Variants in SLC24A2 observed in about 807,000 individuals in gnomAD.
SLC24A2 encodes solute carrier family 24 member 2.
In SLC24A2, 36 loss-of-function variants were observed where a neutral mutation model predicts 62.0. The ratio of observed to expected loss-of-function variants is 0.58; its 90% CI spans 0.44 to 0.77. The LOEUF is 0.77. SLC24A2 is among the 30% of genes least tolerant of loss of function. The probability of loss-of-function intolerance (pLI) is 0.00; values close to 1 mark genes in which losing one functional copy is unlikely to be tolerated. For missense variants in SLC24A2, 846 were observed against 817.9 expected (o/e 1.03, Z -0.42); for synonymous variants, 358 against 294.0 (o/e 1.22, Z -2.23).
At chr9:19,727,844 A>G (rs1821216638) in intron 2 of SLC24A2, among the ~76,000 whole-genome samples, 2 of 152,234 alleles carry the variant, frequency 1.3e-5, no homozygotes, top group Non-Finnish European at 2.9e-5. Flanking sequence ...TGAAAATCAG[A>G]AACTACAAAT....
At chr9:19,926,957 C>G in the SLC24A2 span, 2 of 152,486 alleles carry the variant, frequency 1.3e-5, no homozygotes, top group African/African-American at 4.8e-5. Flanking sequence ...ACGGGGTTTC[C>G]CAGGCCTCTT....
the SLC24A2 span, among the ~76,000 whole-genome samples, chr9:20,290,186 C>G: frequency 2.6e-5 from 4 of 152,228 alleles, no homozygotes; most frequent in African/African-American, 9.6e-5. Context: ...TCTAGCCATA[C>G]TGAGTGCAGC....
chr9:19,919,103 T>C, the SLC24A2 span, among the ~76,000 whole-genome samples: 1 of 152,204 alleles, frequency 6.6e-6, no homozygotes, highest in Non-Finnish European at 1.5e-5. Flanking sequence ...TACCAGAAAG[T>C]ACCTAGAAAG....
chr9:19,997,809 G>C, the SLC24A2 span, among the ~76,000 whole-genome samples: 7 of 152,258 alleles, frequency 4.6e-5, no homozygotes, highest in Admixed American at 1.3e-4. Context: ...AACTGTATTT[G>C]GATAAATAGT....
the SLC24A2 span, among the ~76,000 whole-genome samples, chr9:19,842,632 A>AG: frequency 1.6e-4 from 25 of 152,318 alleles, 1 homozygote; most frequent in East Asian, 4.4e-3. Flanking sequence ...TTAGTCTCCA[A>AG]GGGGGGGATG....
At position 19,786,041 on chromosome 9, in the gene SLC24A2, A is replaced by G; in HGVS notation, c.826T>C (p.Tyr276His). 6.2e-7 allele frequency: 1 copy of G among 1,614,168 alleles called. No homozygotes were observed. Among genetic ancestry groups the G allele is most frequent in the East Asian group, 2.2e-5 (1 of 44,886 alleles). ...ACGTTGAATTTCATGAAAACCACAT[A>G]GCAAAAATAAGCTGTTAAGAGAAGC... is the stretch of plus-strand genomic sequence containing the variant. ...SLLLLTAYFC[Y>H]VVFMKFNVQV... The change falls in exon 2 of 11, where the codon TAT (tyrosine) becomes CAT (histidine). Residue 276 changes from tyrosine (Y) to histidine (H), a missense_variant. Transcript: ENST00000341998. The surrounding 1 kb of genome is among the most constrained non-coding windows in gnomAD (Gnocchi z 5.0).
the SLC24A2 span, among the ~76,000 whole-genome samples, chr9:20,112,009 T>C: frequency 2.0e-5 from 3 of 152,136 alleles, no homozygotes; most frequent in Non-Finnish European, 4.4e-5. Context: ...TTTTGAATAA[T>C]AACTAGGTCC....
chr9:19,709,504 C>G (rs914934945), intron 2 of SLC24A2, among the ~76,000 whole-genome samples: 33 of 151,988 alleles, frequency 2.2e-4, no homozygotes, highest in African/African-American at 6.0e-4. Flanking sequence ...TGGAACCAAC[C>G]CAAATGTCCA....
At chr9:19,858,673 C>T in the SLC24A2 span, among the ~76,000 whole-genome samples, 1 of 151,750 alleles carries the variant, frequency 6.6e-6, no homozygotes. Context: ...CAAACAGCCC[C>T]ATTAAAGAGC....
chr9:20,043,932 A>G, the SLC24A2 span, among the ~76,000 whole-genome samples: 1 of 152,220 alleles, frequency 6.6e-6, no homozygotes, highest in East Asian at 1.9e-4. Flanking sequence ...TACAGAAAAA[A>G]ATCTTTCATA....
chr9:20,280,018 G>C, the SLC24A2 span, among the ~76,000 whole-genome samples: 1 of 152,224 alleles, frequency 6.6e-6, no homozygotes, highest in African/African-American at 2.4e-5. Flanking sequence ...ACAAATGAAG[G>C]ATTCTAAGCA....
At chr9:19,792,981 C>G (rs949184885), upstream of SLC24A2, among the ~76,000 whole-genome samples, 2 of 152,160 alleles carry the variant, frequency 1.3e-5, no homozygotes, top group Admixed American at 6.6e-5. Context: ...TTAAAAGACT[C>G]CTGACAATGA....
At chr9:19,883,395 T>C in the SLC24A2 span, among the ~76,000 whole-genome samples, 2 of 152,162 alleles carry the variant, frequency 1.3e-5, no homozygotes, top group African/African-American at 4.8e-5. Flanking sequence ...GATAAGAAAT[T>C]TGTATTGTAA....
the SLC24A2 span, among the ~76,000 whole-genome samples, chr9:19,974,485 G>C: frequency 6.6e-6 from 1 of 152,238 alleles, no homozygotes; most frequent in African/African-American, 2.4e-5. Flanking sequence ...GCCTGCTTTT[G>C]CCTTTAACCA....
At chr9:19,817,818 C>A in the SLC24A2 span, among the ~76,000 whole-genome samples, 4 of 152,118 alleles carry the variant, frequency 2.6e-5, no homozygotes, top group Non-Finnish European at 4.4e-5. Flanking sequence ...CAGCCTCTCA[C>A]TCCTGAGTTC....
intron 2 of SLC24A2, among the ~76,000 whole-genome samples, chr9:19,760,450 G>C (rs1459606657): frequency 6.6e-6 from 1 of 152,018 alleles, no homozygotes; most frequent in African/African-American, 2.4e-5. Context: ...CATGTGGCAT[G>C]GTGGTTTGCT....
chr9:20,077,197 G>C, the SLC24A2 span, among the ~76,000 whole-genome samples: 2 of 151,944 alleles, frequency 1.3e-5, no homozygotes, highest in South Asian at 4.1e-4. Context: ...CAGATATGTA[G>C]GGTGAAGGAG....
the SLC24A2 span, among the ~76,000 whole-genome samples, chr9:20,218,278 A>T: frequency 6.6e-6 from 1 of 152,190 alleles, no homozygotes; most frequent in Non-Finnish European, 1.5e-5. Flanking sequence ...TTGTCTATCC[A>T]GTCATTTGGG....
chr9:19,546,550 G>C (rs1834583531), intron 8 of SLC24A2, among the ~76,000 whole-genome samples: 1 of 152,154 alleles, frequency 6.6e-6, no homozygotes, highest in African/African-American at 2.4e-5. Flanking sequence ...CCAAGCTTGA[G>C]CATCCCAGGT....
Sources: allele counts gnomAD v4.1 joint callset (sites outside exome capture counted in the v4.1 genomes callset), GRCh38; gene constraint gnomAD v4.1.1; non-coding constraint Gnocchi (gnomAD v3.1); transcripts MANE v1.5; gene names NCBI Gene and HGNC (gene_info 2026-07-23, HGNC 2026-07-21).